The following RHOBTB3 variants were observed in gnomAD, a reference collection of about 807,000 sequenced individuals.
RHOBTB3 encodes rho-related BTB domain-containing protein 3.
In RHOBTB3, 47 loss-of-function variants were observed where a neutral mutation model predicts 67.2. The observed-to-expected ratio is 0.70, with a 90% CI of 0.55 to 0.89. The LOEUF (loss-of-function observed/expected upper bound fraction) is 0.89, where lower values mean the gene tolerates loss of function less well. RHOBTB3 is among the 40% of genes least tolerant of loss of function. The pLI is 0.00. For synonymous variants in RHOBTB3, 273 were observed against 274.2 expected (o/e 1.00, Z 0.04); for missense variants, 631 against 750.0 (o/e 0.84, Z 1.85).
At chr5:95,739,042 A>G (rs1355579534) in intron 3 of RHOBTB3, among the ~76,000 whole-genome samples, 1 of 152,034 alleles carries the variant, frequency 6.6e-6, no homozygotes, top group Non-Finnish European at 1.5e-5. Context: ...TAACCTGCTA[A>G]TCTGTTGTCC....
chr5:95,748,919 T>A (rs966205429), intron 4 of RHOBTB3, among the ~76,000 whole-genome samples: 1 of 152,212 alleles, frequency 6.6e-6, no homozygotes, highest in Non-Finnish European at 1.5e-5. Flanking sequence ...TGGCAAAATT[T>A]TATATCCTCC....
chr5:95,772,834 T>G (rs142962707), intron 8 of RHOBTB3, among the ~76,000 whole-genome samples: 2 of 152,324 alleles, frequency 1.3e-5, no homozygotes, highest in Non-Finnish European at 2.9e-5. Context: ...AGACTTTGCC[T>G]TGTAATAAAC....
At chr5:95,743,864 A>G (rs1424624584) in intron 3 of RHOBTB3, among the ~76,000 whole-genome samples, 1 of 151,840 alleles carries the variant, frequency 6.6e-6, no homozygotes, top group Non-Finnish European at 1.5e-5. Flanking sequence ...ATGAACCACC[A>G]TGCCTGGGTA....
intron 3 of RHOBTB3, among the ~76,000 whole-genome samples, chr5:95,740,507 C>CA (rs1170860833): frequency 6.6e-6 from 1 of 152,172 alleles, no homozygotes; most frequent in African/African-American, 2.4e-5. Context: ...TGGAAAGAGA[C>CA]AATAGTCTTG....
upstream of RHOBTB3, among the ~76,000 whole-genome samples, chr5:95,727,863 A>G (rs1755103519): frequency 6.6e-6 from 1 of 152,212 alleles, no homozygotes; most frequent in Admixed American, 6.5e-5. Context: ...AACTCACTGA[A>G]TATCTATTTA....
chr5:95,739,335 A>C (rs907981495), intron 3 of RHOBTB3, among the ~76,000 whole-genome samples: 4 of 151,670 alleles, frequency 2.6e-5, no homozygotes, highest in African/African-American at 9.8e-5. Flanking sequence ...CTAGTCATTT[A>C]GTTATTTGTC....
At chr5:95,788,957 A>G (rs772151062) in intron 11 of RHOBTB3, 99 bp downstream of exon 11, 2 of 695,848 alleles carry the variant, frequency 2.9e-6, no homozygotes, top group South Asian at 2.0e-5. Flanking sequence ...CAAAATAAGA[A>G]TAGTCAATGT....
At chr5:95,742,243 T>C (rs187743820) in intron 3 of RHOBTB3, among the ~76,000 whole-genome samples, 5 of 152,350 alleles carry the variant, frequency 3.3e-5, no homozygotes, top group African/African-American at 1.2e-4. Flanking sequence ...TTTATTTAAA[T>C]TATGGGCACT....
At chr5:95,765,806 C>T (rs551591687) in intron 7 of RHOBTB3, among the ~76,000 whole-genome samples, 30 of 152,264 alleles carry the variant, frequency 2.0e-4, no homozygotes, top group Admixed American at 5.9e-4. Flanking sequence ...GGACTACAGG[C>T]GCCCGCCACC....
chr5:95,737,213 T>G (rs1191687748), intron 3 of RHOBTB3, 138 bp downstream of exon 3: 2 of 570,562 alleles, frequency 3.5e-6, no homozygotes, highest in Non-Finnish European at 6.0e-6. Context: ...CTGCTATCGC[T>G]TCATCATTTG....
chr5:95,739,075 G>A (rs910600813), intron 3 of RHOBTB3, among the ~76,000 whole-genome samples: 1 of 151,996 alleles, frequency 6.6e-6, no homozygotes, highest in Non-Finnish European at 1.5e-5. Flanking sequence ...TATAAACACC[G>A]ATAACTGTTC....
chr5:95,737,275 C>G (rs1755476957), intron 3 of RHOBTB3, among the ~76,000 whole-genome samples, 200 bp downstream of exon 3: 1 of 152,116 alleles, frequency 6.6e-6, no homozygotes, highest in African/African-American at 2.4e-5. Flanking sequence ...GCTGTGATTC[C>G]ACTGGGTGCA....
intron 1 of RHOBTB3, among the ~76,000 whole-genome samples, chr5:95,722,971 A>G (rs2112749386): frequency 6.6e-6 from 1 of 152,358 alleles, no homozygotes; most frequent in South Asian, 2.1e-4. Context: ...AGTTGTTTTA[A>G]AAACATCACT....
chr5:95,768,133 C>T lies in RHOBTB3; in HGVS notation c.1249C>T (p.Pro417Ser). Residue 417 changes from proline to serine, a missense_variant, in exon 8 of 12, where the codon CCG becomes TCG. By Grantham distance (74) the Pro-to-Ser change is moderately conservative. Coordinates refer to ENST00000379982, the MANE Select transcript of RHOBTB3 (RefSeq NM_014899.4). ...TTCCCTCAAGTTTTTCCTTAATAAG[C>T]CGATGCTTGCCGATGTTGTCTTCGA... ...NTSLKFFLNK[P>S]MLADVVFEIQ... is the part of the protein sequence containing the mutation. 6.2e-7 allele frequency: 1 copy of T among 1,613,226 alleles called. No homozygotes were observed. The highest frequency in any genetic ancestry group is 1.1e-5 in the South Asian group (1 of 90,900).
chr5:95,731,321 AGCAGCG>A (rs1042936059), upstream of RHOBTB3: 6 of 1,074,956 alleles, frequency 5.6e-6, no homozygotes, highest in African/African-American at 1.7e-5. Context: ...GAGGAGGAGG[AGCAGCG>A]GCAGCGGCAG....
intron 6 of RHOBTB3, among the ~76,000 whole-genome samples, chr5:95,759,055 A>G (rs1561447699): frequency 6.6e-6 from 1 of 152,210 alleles, no homozygotes; most frequent in Non-Finnish European, 1.5e-5. Context: ...TGACGCGAGG[A>G]AAAATGGATG....
At chr5:95,762,902 G>A (rs1421906571) in intron 6 of RHOBTB3, among the ~76,000 whole-genome samples, 1 of 152,188 alleles carries the variant, frequency 6.6e-6, no homozygotes, top group East Asian at 1.9e-4. Flanking sequence ...AATGAGCCTA[G>A]GAAGAGAGTT....
Position 95,736,924 on chromosome 5 carries a change from T to C in RHOBTB3, c.264T>C (p.Asn88=), listed in dbSNP as rs781661099. ...ACAGTGATTGGTACACTTCTCGAAATCTAATTGGGGGCGCTGACATCATTG... is the reference window on the plus strand; with the variant it reads ...ACAGTGATTGGTACACTTCTCGAAACCTAATTGGGGGCGCTGACATCATTG... The part of the protein sequence containing the change: ...IFDSDWYTSR[N]LIGGADIIVI... Residue 88 remains asparagine (N), a synonymous_variant, in exon 3 of 12, where the codon AAT becomes AAC. Transcript: ENST00000379982. The C allele has an allele frequency of 1.2e-6, 2 of 1,611,168 alleles. No individual in the cohort carries two copies. Among genetic ancestry groups the C allele is most frequent in the Admixed American group, 1.7e-5 (1 of 59,182 alleles).
At chr5:95,767,701 A>G in intron 7 of RHOBTB3, 1 of 629,796 alleles carries the variant, frequency 1.6e-6, no homozygotes, top group Non-Finnish European at 2.9e-6. Flanking sequence ...ACATGTAAAC[A>G]TATTTTAGTA....
Sources: gnomAD v4.1 joint callset for allele counts (sites outside exome capture counted in the v4.1 genomes callset) on GRCh38, gnomAD v4.1.1 for gene constraint, MANE v1.5 for transcripts, NCBI Gene and HGNC (gene_info 2026-07-23, HGNC 2026-07-21) for gene names.